LYPD6B: variants seen among roughly 807,000 people sequenced by gnomAD.
The protein encoded by LYPD6B is ly6/PLAUR domain-containing protein 6B.
A neutral mutation model predicts 22.8 loss-of-function variants in LYPD6B; 17 were observed. The ratio of observed to expected loss-of-function variants is 0.75; its 90% CI spans 0.51 to 1.12. LYPD6B has a LOEUF of 1.12. LYPD6B is among the 50% of genes most tolerant of loss of function. The pLI is 0.00. For synonymous variants in LYPD6B, 106 were observed against 91.6 expected, an observed-to-expected ratio of 1.16 and a Z score of -0.90; for missense variants, 221 against 258.3, an observed-to-expected ratio of 0.86 and a Z score of 0.99.
chr2:149,205,253 A>G lies in LYPD6B; in HGVS notation c.78A>G (p.Arg26=), dbSNP rs746439801. ...GAACCAGTGTGTCTTTTCACCATAG[A>G]TATAAGAGTTCGGACCGCCCAGCAC... ...RSLTTTFSFS[R]YKSSDRPAHK... is the part of the protein sequence containing the mutation. The change falls in exon 4 of 7, where the codon AGA becomes AGG. Residue 26 remains arginine (R), a splice_region_variant and synonymous_variant. Transcript: ENST00000409642. 1 of 1,608,978 alleles carries G rather than the reference A, an allele frequency of 6.2e-7. No individual in the cohort carries two copies. The highest frequency in any genetic ancestry group is 2.2e-5 in the East Asian group (1 of 44,842).
intron 1 of LYPD6B, among the ~76,000 whole-genome samples, chr2:149,095,491 T>G (rs763068690): frequency 6.6e-6 from 1 of 152,174 alleles, no homozygotes; most frequent in Non-Finnish European, 1.5e-5. Context: ...ATAGGAATAC[T>G]TAGAAATTTG....
Position 149,156,883 on chromosome 2 carries a change from G to C in LYPD6B, c.6-3881G>C, listed in dbSNP as rs150516035. Among the ~76,000 whole-genome samples the C allele has an allele frequency of 1.2e-3, 189 of 152,234 alleles. 1 individual carries two copies. Among genetic ancestry groups the C allele is most frequent in the African/African-American group, 4.4e-3 (183 of 41,540 alleles). ...GATAAAACTTGATTGCCTTATTGGG[G>C]TTCTTACCTTTGAGAATTGGATTCA... On this transcript the variant is annotated intron_variant, in intron 2 of 6. Coordinates refer to ENST00000409642, the MANE Select transcript of LYPD6B (RefSeq NM_177964.5).
chr2:149,205,719 G>A (rs1024798002), intron 4 of LYPD6B, among the ~76,000 whole-genome samples: 1 of 152,188 alleles, frequency 6.6e-6, no homozygotes, highest in Non-Finnish European at 1.5e-5. Flanking sequence ...CCTGGAGAAG[G>A]AAATTGGCTG....
intron 1 of LYPD6B, among the ~76,000 whole-genome samples, chr2:149,115,806 G>A (rs535534976): frequency 6.6e-6 from 1 of 152,194 alleles, no homozygotes; most frequent in Non-Finnish European, 1.5e-5. Context: ...ATTACCTACG[G>A]TCAGCCTCAG....
intron 1 of LYPD6B, among the ~76,000 whole-genome samples, chr2:149,117,833 A>G (rs1321320528): frequency 2.6e-5 from 4 of 152,168 alleles, no homozygotes. Flanking sequence ...ATAATCATTT[A>G]TTATCTTTCA....
At chr2:149,085,364 C>T (rs930828507) in intron 1 of LYPD6B, among the ~76,000 whole-genome samples, 4 of 152,336 alleles carry the variant, frequency 2.6e-5, no homozygotes, top group Admixed American at 1.3e-4. Flanking sequence ...TTTCACCCTG[C>T]GTTGGTGGCA....
At chr2:149,188,108 C>G (rs990525809) in intron 3 of LYPD6B, among the ~76,000 whole-genome samples, 1 of 152,146 alleles carries the variant, frequency 6.6e-6, no homozygotes, top group Non-Finnish European at 1.5e-5. Context: ...TTCCTGGGTA[C>G]AGCATTCCTA....
intron 1 of LYPD6B, among the ~76,000 whole-genome samples, chr2:149,074,001 A>G (rs1001326850): frequency 6.6e-6 from 1 of 152,162 alleles, no homozygotes; most frequent in Non-Finnish European, 1.5e-5. Context: ...TGGAGACTCA[A>G]TAGAAAATCA....
chr2:149,187,416 T>C (rs2106030301), intron 3 of LYPD6B: 17 of 1,522,644 alleles, frequency 1.1e-5, no homozygotes, highest in Non-Finnish European at 1.4e-5. Flanking sequence ...ATAAGATTAT[T>C]ATTTTCTAGA....
chr2:149,126,467 G>A (rs1464046946), intron 1 of LYPD6B, among the ~76,000 whole-genome samples: 3 of 152,130 alleles, frequency 2.0e-5, no homozygotes, highest in African/African-American at 4.8e-5. Context: ...AAAAGAAAAT[G>A]CTATTACAAA....
chr2:149,199,246 T>C (rs1693010416), intron 3 of LYPD6B, among the ~76,000 whole-genome samples: 1 of 152,234 alleles, frequency 6.6e-6, no homozygotes, highest in Non-Finnish European at 1.5e-5. Flanking sequence ...CTCACTTTTC[T>C]TACTGGCAAA....
intron 3 of LYPD6B, chr2:149,187,576 C>T: frequency 7.2e-7 from 1 of 1,394,044 alleles, no homozygotes; most frequent in Non-Finnish European, 9.4e-7. Flanking sequence ...AAGCCTGACA[C>T]ATTGTAGGTG....
chr2:149,086,381 T>C (rs1291629111), intron 1 of LYPD6B, among the ~76,000 whole-genome samples: 1 of 152,170 alleles, frequency 6.6e-6, no homozygotes, highest in African/African-American at 2.4e-5. Context: ...ACCTCCCCAG[T>C]CCTCATCCTG....
At chr2:149,182,233 A>G (rs569508519) in intron 3 of LYPD6B, among the ~76,000 whole-genome samples, 1 of 152,260 alleles carries the variant, frequency 6.6e-6, no homozygotes, top group Admixed American at 6.5e-5. Flanking sequence ...ACTCATTTTA[A>G]TTCTTTATTA....
intron 1 of LYPD6B, among the ~76,000 whole-genome samples, chr2:149,041,311 G>T (rs1488661329): frequency 6.6e-6 from 1 of 152,130 alleles, no homozygotes; most frequent in Non-Finnish European, 1.5e-5. Context: ...GGTGACTAGA[G>T]CTCCATCATG....
In LYPD6B at chr2:149,038,777, AGGCTC is replaced by A. The variant is rs1682917669; in HGVS notation, c.-88_-84del. 1 of 150,952 alleles carries A rather than the reference AGGCTC, an allele frequency of 6.6e-6. No homozygotes were observed. The highest frequency in any genetic ancestry group is 2.1e-4 in the South Asian group (1 of 4,810). 9.4% of individuals were successfully genotyped at this position (150,952 alleles called of 1,614,324 possible). On this transcript the variant is annotated 5_prime_UTR_variant, in exon 1 of 7. Coordinates refer to ENST00000409642, the MANE Select transcript of LYPD6B (RefSeq NM_177964.5). ...CCGGGAGCCGGGTGAGGGCGCCGAG[AGGCTC>A]GGTGGGCGCGGGCGGCGAGGTGAGC...
At chr2:149,084,121 A>AAATAC (rs900794416) in intron 1 of LYPD6B, among the ~76,000 whole-genome samples, 1 of 150,820 alleles carries the variant, frequency 6.6e-6, no homozygotes, top group African/African-American at 2.5e-5. Flanking sequence ...AAATAAAATA[A>AAATAC]AACACTTTTA....
At chr2:149,049,807 G>A (rs1683468710) in intron 1 of LYPD6B, among the ~76,000 whole-genome samples, 1 of 152,136 alleles carries the variant, frequency 6.6e-6, no homozygotes, top group African/African-American at 2.4e-5. Context: ...CTTGATTGGG[G>A]CCTTGAAGGT....
At position 149,195,460 on chromosome 2, in the gene LYPD6B, G is replaced by A. The variant is rs140730599; in HGVS notation, c.78-9793G>A. On this transcript the variant is annotated intron_variant, in intron 3 of 6. Coordinates refer to ENST00000409642, the MANE Select transcript of LYPD6B (RefSeq NM_177964.5). ...AAGCAAATGCTATGAGAACTACTGC[G>A]TGTTATTTATGAGTATAGGCAAATC... Among the ~76,000 whole-genome samples the A allele has an allele frequency of 1.4e-3, 220 of 152,310 alleles. 2 individuals carry two copies. Among genetic ancestry groups the A allele is most frequent in the African/African-American group, 5.1e-3 (211 of 41,568 alleles).
Sources: gnomAD v4.1 joint callset for allele counts (sites outside exome capture counted in the v4.1 genomes callset) on GRCh38, gnomAD v4.1.1 for gene constraint, MANE v1.5 for transcripts, NCBI Gene and HGNC (gene_info 2026-07-23, HGNC 2026-07-21) for gene names.